Variants in RIN2 observed in about 807,000 individuals in gnomAD.
The protein encoded by RIN2 is Ras and Rab interactor 2, also known as RAB5 interacting protein 2.
A neutral mutation model predicts 78.0 loss-of-function variants in RIN2; 36 were observed. The ratio of observed to expected loss-of-function variants is 0.46; its 90% CI spans 0.35 to 0.61. The LOEUF is 0.61. RIN2 is among the 20% of genes least tolerant of loss of function. The pLI is 0.00. For synonymous variants in RIN2, 466 were observed against 466.8 expected, an observed-to-expected ratio of 1.00 and a Z score of 0.02; for missense variants, 1,087 against 1,159.7, an observed-to-expected ratio of 0.94 and a Z score of 0.91.
rs548499908 is a variant in RIN2, at chr20:19,975,183, G to C, written c.1158G>C (p.Pro386=). ...TLSGGRPGAG[P]ELELGTAGSP... ...GCGGCGGCCGGCCGGGCGCAGGCCC[G>C]GAGCTGGAGCTGGGCACAGCTGGCA... is the stretch of plus-strand genomic sequence containing the variant. Residue 386 remains proline, a synonymous_variant, in exon 9 of 13, where the codon CCG becomes CCC. Transcript: ENST00000255006. The surrounding 1 kb of genome is among the most constrained non-coding windows in gnomAD (Gnocchi z 4.9). 2.7e-5 allele frequency: 43 copies of C among 1,607,044 alleles called. 1 individual carries two copies. The East Asian group carries it at 6.5e-4, about 24-fold the overall frequency.
chr20:19,865,976 A>G (rs1425803765), intron 2 of RIN2, among the ~76,000 whole-genome samples: 2 of 152,092 alleles, frequency 1.3e-5, no homozygotes, highest in Admixed American at 6.6e-5. Flanking sequence ...TTTTGGGATG[A>G]TTCAAGCACA....
At chr20:19,878,398 TG>T (rs1439851032) in intron 2 of RIN2, among the ~76,000 whole-genome samples, 2 of 152,094 alleles carry the variant, frequency 1.3e-5, no homozygotes, top group Non-Finnish European at 2.9e-5. Context: ...ACATGAAGGA[TG>T]GGGTATCCAC....
intron 2 of RIN2, among the ~76,000 whole-genome samples, chr20:19,863,060 A>G (rs2037395581): frequency 6.6e-6 from 1 of 152,148 alleles, no homozygotes; most frequent in African/African-American, 2.4e-5. Flanking sequence ...ACCTAAGGTG[A>G]GCGTTTTCTC....
chr20:19,833,457 C>T lies in RIN2; in HGVS notation c.-37+33710C>T, dbSNP rs182301259. Among the ~76,000 whole-genome samples the T allele has an allele frequency of 1.6e-3, 238 of 152,262 alleles. 1 individual carries two copies. Among genetic ancestry groups the T allele is most frequent in the Admixed American group, 0.013 (192 of 15,288 alleles). ...ACCCGGTATGTGTTGTTCCCCTTCC[C>T]GTGTCCACATAAAACCTATATTTTT... On this transcript the variant is annotated intron_variant, in intron 2 of 12. Coordinates refer to ENST00000255006, the MANE Select transcript of RIN2 (RefSeq NM_018993.4).
At chr20:19,938,514 T>G (rs557451675) in intron 4 of RIN2, among the ~76,000 whole-genome samples, 2 of 152,184 alleles carry the variant, frequency 1.3e-5, no homozygotes, top group East Asian at 1.9e-4. Context: ...TGTGAGCCAC[T>G]GCGCCTGGCT....
At chr20:19,854,305 A>C (rs1189931398) in intron 2 of RIN2, among the ~76,000 whole-genome samples, 37 of 152,244 alleles carry the variant, frequency 2.4e-4, no homozygotes, top group Admixed American at 2.4e-3. Context: ...GTTTGAAGTC[A>C]GGTAGTGTGA....
At chr20:19,948,077 G>T (rs2041164561) in intron 4 of RIN2, among the ~76,000 whole-genome samples, 1 of 152,186 alleles carries the variant, frequency 6.6e-6, no homozygotes, top group South Asian at 2.1e-4. Flanking sequence ...GATGACTCAT[G>T]TAAGTAGAAG....
At chr20:19,825,688 T>A (rs4814904) in intron 2 of RIN2, among the ~76,000 whole-genome samples, 3 of 152,012 alleles carry the variant, frequency 2.0e-5, no homozygotes, top group African/African-American at 7.3e-5. Flanking sequence ...TAAGCCCAAA[T>A]GCTCATCAGG....
chr20:19,980,079 G>A (rs953992641), intron 9 of RIN2, among the ~76,000 whole-genome samples: 2 of 150,062 alleles, frequency 1.3e-5, no homozygotes, highest in East Asian at 3.9e-4. Context: ...CTTCTGAGAG[G>A]TGTAGCCAGG....
intron 2 of RIN2, among the ~76,000 whole-genome samples, chr20:19,883,798 G>A (rs1032333265): frequency 3.3e-5 from 5 of 151,622 alleles, no homozygotes; most frequent in Admixed American, 6.6e-5. Context: ...GGAAAGAAGG[G>A]ATGGACTTCC....
At chr20:19,863,204 G>A (rs192030385) in intron 2 of RIN2, among the ~76,000 whole-genome samples, 1 of 152,326 alleles carries the variant, frequency 6.6e-6, no homozygotes, top group Non-Finnish European at 1.5e-5. Context: ...GTCAGCACTT[G>A]TCACTTCCAC....
At chr20:19,972,824 C>A (rs1267952895) in intron 8 of RIN2, among the ~76,000 whole-genome samples, 1 of 152,174 alleles carries the variant, frequency 6.6e-6, no homozygotes. Context: ...ACCTGCTGTC[C>A]TGGGTAATAG....
At chr20:19,808,731 C>T (rs1041794310) in intron 2 of RIN2, among the ~76,000 whole-genome samples, 3 of 152,212 alleles carry the variant, frequency 2.0e-5, no homozygotes, top group Admixed American at 6.5e-5. Context: ...GCCTGCTGCT[C>T]GCCACGCAAT....
At chr20:19,922,572 G>A (rs2039967933) in intron 3 of RIN2, among the ~76,000 whole-genome samples, 1 of 152,142 alleles carries the variant, frequency 6.6e-6, no homozygotes, top group Admixed American at 6.5e-5. Context: ...CGTCATCAAT[G>A]CCTTGAGGTC....
intron 12 of RIN2, among the ~76,000 whole-genome samples, chr20:19,999,546 T>C (rs2043078071): frequency 6.6e-6 from 1 of 152,192 alleles, no homozygotes; most frequent in African/African-American, 2.4e-5. Flanking sequence ...AAAAAATCTA[T>C]TTGTTTTCTA....
chr20:19,805,891 C>T (rs2035393010), intron 2 of RIN2, among the ~76,000 whole-genome samples: 1 of 152,094 alleles, frequency 6.6e-6, no homozygotes. Context: ...CAACAGGCCA[C>T]AGTGTGTGAT....
chr20:19,911,668 C>A (rs1044430036), intron 3 of RIN2, among the ~76,000 whole-genome samples: 5 of 152,202 alleles, frequency 3.3e-5, no homozygotes, highest in Non-Finnish European at 7.3e-5. Context: ...TTTCCTATTT[C>A]TTTGCCTCAC....
chr20:19,936,819 T>C (rs1230546998), intron 4 of RIN2, among the ~76,000 whole-genome samples: 1 of 152,288 alleles, frequency 6.6e-6, no homozygotes, highest in African/African-American at 2.4e-5. Flanking sequence ...TTGAATGCTA[T>C]GTTGCTTAAT....
At chr20:19,923,160 G>A (rs972504373) in intron 3 of RIN2, among the ~76,000 whole-genome samples, 14 of 152,194 alleles carry the variant, frequency 9.2e-5, no homozygotes, top group Non-Finnish European at 1.9e-4. Context: ...GCTCACGCCT[G>A]TAATCGCAGC....
Sources: gnomAD v4.1 joint callset for allele counts (sites outside exome capture counted in the v4.1 genomes callset) on GRCh38, gnomAD v4.1.1 for gene constraint, Gnocchi (gnomAD v3.1) non-coding constraint, MANE v1.5 for transcripts, NCBI Gene and HGNC (gene_info 2026-07-23, HGNC 2026-07-21) for gene names.